TRPS1: variants seen among roughly 807,000 people sequenced by gnomAD.
TRPS1 encodes transcriptional repressor GATA binding 1.
A neutral mutation model predicts 101.2 loss-of-function variants in TRPS1; 6 were observed. The ratio of observed to expected loss-of-function variants is 0.06; its 90% CI spans 0.03 to 0.12. TRPS1 has a LOEUF of 0.12. Ranked by LOEUF, TRPS1 falls within the 10% of genes least tolerant of loss-of-function variation. The pLI, the probability that TRPS1 is intolerant of heterozygous loss-of-function variation, is 1.00. For missense variants in TRPS1, 1,363 were observed against 1,567.0 expected (o/e 0.87, Z 2.20); for synonymous variants, 578 against 589.8 (o/e 0.98, Z 0.29).
intron 5 of TRPS1, among the ~76,000 whole-genome samples, chr8:115,565,163 G>C (rs1452607256): frequency 1.3e-5 from 2 of 152,142 alleles, no homozygotes; most frequent in African/African-American, 4.8e-5. Flanking sequence ...CTGACAAGCA[G>C]AAAGCAGTTA....
At chr8:115,448,423 C>T (rs1813789125) in intron 5 of TRPS1, among the ~76,000 whole-genome samples, 1 of 152,128 alleles carries the variant, frequency 6.6e-6, no homozygotes, top group South Asian at 2.1e-4. Context: ...TTAAGAGAGA[C>T]TAGCAGTCAC....
intron 5 of TRPS1, among the ~76,000 whole-genome samples, chr8:115,578,689 T>C (rs1817376274): frequency 6.6e-6 from 1 of 152,066 alleles, no homozygotes; most frequent in African/African-American, 2.4e-5. Flanking sequence ...AATATATATT[T>C]AAATATACAT....
intron 5 of TRPS1, among the ~76,000 whole-genome samples, chr8:115,543,310 C>T (rs777841162): frequency 2.6e-5 from 4 of 152,110 alleles, no homozygotes; most frequent in Non-Finnish European, 4.4e-5. Context: ...AGCTCTGTTG[C>T]TATTGCTATT....
chr8:115,524,838 A>G (rs976388075), intron 5 of TRPS1, among the ~76,000 whole-genome samples: 2 of 152,190 alleles, frequency 1.3e-5, no homozygotes, highest in Admixed American at 6.5e-5. Flanking sequence ...ATCGATCAAC[A>G]TAATTTTACA....
chr8:115,442,699 C>T (rs1019317521), intron 5 of TRPS1, among the ~76,000 whole-genome samples: 5 of 151,876 alleles, frequency 3.3e-5, no homozygotes, highest in Non-Finnish European at 7.4e-5. Flanking sequence ...CAGGGGCTCA[C>T]GCCTGTAATT....
chr8:115,648,046 A>G (rs1811460189), intron 1 of TRPS1, among the ~76,000 whole-genome samples: 1 of 152,148 alleles, frequency 6.6e-6, no homozygotes, highest in South Asian at 2.1e-4. Flanking sequence ...GTAGCTGCTG[A>G]TGAACCCAAT....
chr8:115,436,188 A>T (rs1438481504), intron 5 of TRPS1, among the ~76,000 whole-genome samples: 5 of 152,072 alleles, frequency 3.3e-5, no homozygotes, highest in African/African-American at 1.2e-4. Context: ...AAATCTTCTG[A>T]CTCATGCAAC....
At chr8:115,493,764 AT>A (rs1339954294) in intron 5 of TRPS1, among the ~76,000 whole-genome samples, 1 of 152,206 alleles carries the variant, frequency 6.6e-6, no homozygotes, top group African/African-American at 2.4e-5. Context: ...TTGCAATTTT[AT>A]GTTAGTTTTT....
intron 5 of TRPS1, among the ~76,000 whole-genome samples, chr8:115,505,197 G>A (rs974796055): frequency 1.3e-5 from 2 of 152,052 alleles, no homozygotes; most frequent in Non-Finnish European, 2.9e-5. Flanking sequence ...GTACAGAAAA[G>A]ACAAAGAAGT....
At chr8:115,631,682 T>TGC (rs1341575566) in intron 1 of TRPS1, among the ~76,000 whole-genome samples, 2 of 148,756 alleles carry the variant, frequency 1.3e-5, no homozygotes, top group African/African-American at 2.5e-5. Flanking sequence ...TGGATGGATG[T>TGC]TGACACACTT....
chr8:115,556,363 C>G (rs1380924976), intron 5 of TRPS1, among the ~76,000 whole-genome samples: 2 of 152,086 alleles, frequency 1.3e-5, no homozygotes, highest in Non-Finnish European at 2.9e-5. Context: ...TGATAAGCAG[C>G]ATATTTAAAT....
chr8:115,550,427 G>A (rs150328079), intron 5 of TRPS1, among the ~76,000 whole-genome samples: 105 of 152,252 alleles, frequency 6.9e-4, no homozygotes, highest in Non-Finnish European at 1.1e-3. Context: ...CCTCTCTGAA[G>A]TTCAGGAGCC....
At chr8:115,614,631 T>A (rs1208791814) in intron 3 of TRPS1, among the ~76,000 whole-genome samples, 1 of 152,212 alleles carries the variant, frequency 6.6e-6, no homozygotes, top group Non-Finnish European at 1.5e-5. Flanking sequence ...TGTGGGTTCA[T>A]ATGCCAAACA....
chr8:115,616,589 T>C (rs1006238548), intron 3 of TRPS1, among the ~76,000 whole-genome samples: 7 of 152,016 alleles, frequency 4.6e-5, no homozygotes, highest in African/African-American at 1.7e-4. Flanking sequence ...GTTCTGAATG[T>C]TTTTTAAAAA....
At chr8:115,575,532 A>G (rs1378265026) in intron 5 of TRPS1, among the ~76,000 whole-genome samples, 1 of 152,056 alleles carries the variant, frequency 6.6e-6, no homozygotes, top group Non-Finnish European at 1.5e-5. Flanking sequence ...TAATGAACAT[A>G]TATCTTGATA....
chr8:115,425,486 T>G (rs1221030958), intron 5 of TRPS1, among the ~76,000 whole-genome samples: 1 of 152,182 alleles, frequency 6.6e-6, no homozygotes, highest in Non-Finnish European at 1.5e-5. Context: ...TTCCAGGACA[T>G]GAGGCAATAC....
At chr8:115,517,016 C>T (rs1815729258) in intron 5 of TRPS1, among the ~76,000 whole-genome samples, 1 of 151,260 alleles carries the variant, frequency 6.6e-6, no homozygotes, top group African/African-American at 2.4e-5. Context: ...AATTCCTTTT[C>T]CGGAGTCTTT....
chr8:115,661,871 T>C (rs1428202552), intron 1 of TRPS1, among the ~76,000 whole-genome samples: 1 of 151,888 alleles, frequency 6.6e-6, no homozygotes, highest in Non-Finnish European at 1.5e-5. Flanking sequence ...CTTTGCCTTA[T>C]TTCCTTCTTG....
At chr8:115,584,770 T>C (rs1293933616) in intron 5 of TRPS1, among the ~76,000 whole-genome samples, 2 of 152,010 alleles carry the variant, frequency 1.3e-5, no homozygotes, top group African/African-American at 2.4e-5. Flanking sequence ...TTAATTCTGT[T>C]AGGTGTCTTA....
Sources: gnomAD v4.1 joint callset for allele counts (sites outside exome capture counted in the v4.1 genomes callset) on GRCh38, gnomAD v4.1.1 for gene constraint, MANE v1.5 for transcripts, NCBI Gene and HGNC (gene_info 2026-07-23, HGNC 2026-07-21) for gene names.